ZNF239: variants seen among roughly 807,000 people sequenced by gnomAD.
ZNF239 encodes the protein zinc finger protein 239.
In ZNF239, 16 loss-of-function variants were observed where a neutral mutation model predicts 27.5. That is an observed-to-expected ratio of 0.58 (90% confidence interval 0.39 to 0.88). The LOEUF (loss-of-function observed/expected upper bound fraction) is 0.88. Among genes scored for constraint, ZNF239 ranks in the 40% least tolerant of loss-of-function variants. ZNF239 has a pLI of 0.00. For synonymous variants in ZNF239, 199 were observed against 192.6 expected (o/e 1.03, Z -0.27); for missense variants, 527 against 551.9 (o/e 0.95, Z 0.45).
intron 3 of ZNF239, chr10:43,564,372 G>A (rs1025479075): frequency 5.8e-6 from 4 of 693,982 alleles, no homozygotes; most frequent in South Asian, 6.5e-5. Context: ...CTTGAAAAAC[G>A]ATGGCAACAA....
At chr10:43,569,044 C>A (rs1229979217) in intron 2 of ZNF239, among the ~76,000 whole-genome samples, 1 of 152,148 alleles carries the variant, frequency 6.6e-6, no homozygotes, top group African/African-American at 2.4e-5. Flanking sequence ...CAGGCCCCAA[C>A]AGAACTCCTG....
intron 3 of ZNF239, among the ~76,000 whole-genome samples, chr10:43,562,751 G>A (rs7091995): frequency 0.48 from 73,103 of 151,976 alleles, 18,576 homozygotes; most frequent in South Asian, 0.61. Context: ...GTATCACTTT[G>A]TTTATAAATT....
intron 2 of ZNF239, 102 bp from the exon 3 acceptor site, chr10:43,568,123 G>A: frequency 1.0e-6 from 1 of 985,630 alleles, no homozygotes; most frequent in Non-Finnish European, 1.2e-6. Context: ...GAAAGGTATA[G>A]AAGAAGTTTG....
chr10:43,559,825 G>C (rs1837091425), intron 3 of ZNF239, among the ~76,000 whole-genome samples: 1 of 152,160 alleles, frequency 6.6e-6, no homozygotes. Flanking sequence ...ACTCCTAAAT[G>C]ATAAGGAGCA....
chr10:43,570,382 A>T, intron 2 of ZNF239: 2 of 985,396 alleles, frequency 2.0e-6, no homozygotes, highest in Non-Finnish European at 2.4e-6. Context: ...TTAGCAAGGC[A>T]TGACCCATGG....
chr10:43,563,984 T>C (rs186834141), intron 3 of ZNF239, among the ~76,000 whole-genome samples: 3 of 152,188 alleles, frequency 2.0e-5, no homozygotes, highest in Admixed American at 6.5e-5. Flanking sequence ...ATCTACTTTT[T>C]ACCAGGGCCT....
chr10:43,567,130 C>T (rs922398505), intron 3 of ZNF239, among the ~76,000 whole-genome samples: 3 of 150,906 alleles, frequency 2.0e-5, no homozygotes, highest in African/African-American at 4.9e-5. Context: ...ACAAACAAAA[C>T]AAAAAGACTC....
At chr10:43,570,218 A>G in intron 2 of ZNF239, 7 of 985,354 alleles carry the variant, frequency 7.1e-6, no homozygotes, top group Non-Finnish European at 8.4e-6. Flanking sequence ...AGATGAAGGT[A>G]AGGATGGGTG....
At chr10:43,568,270 T>C in intron 2 of ZNF239, 1 of 985,508 alleles carries the variant, frequency 1.0e-6, no homozygotes, top group Non-Finnish European at 1.2e-6. Context: ...CTACTGAATC[T>C]TTCTGTGTCA....
At chr10:43,564,908 A>C (rs989016624) in intron 3 of ZNF239, among the ~76,000 whole-genome samples, 6 of 152,174 alleles carry the variant, frequency 3.9e-5, no homozygotes, top group Non-Finnish European at 5.9e-5. Context: ...AAGTGGGACT[A>C]TAAGAAGGGA....
At chr10:43,559,885 A>G (rs1837097930) in intron 3 of ZNF239, among the ~76,000 whole-genome samples, 1 of 152,204 alleles carries the variant, frequency 6.6e-6, no homozygotes, top group South Asian at 2.1e-4. Flanking sequence ...GTACAGCTCA[A>G]ATTATGTATA....
chr10:43,561,983 G>C (rs1837291921), intron 3 of ZNF239, among the ~76,000 whole-genome samples: 2 of 152,036 alleles, frequency 1.3e-5, no homozygotes, highest in African/African-American at 4.8e-5. Context: ...AAATTAAAAA[G>C]AACTATAATC....
chr10:43,563,097 T>G (rs1837380692), intron 3 of ZNF239, among the ~76,000 whole-genome samples: 1 of 152,092 alleles, frequency 6.6e-6, no homozygotes, highest in African/African-American at 2.4e-5. Context: ...GGTGGATTAC[T>G]TGAGGTCAGG....
At chr10:43,574,158 T>C (rs1364795178) in intron 1 of ZNF239, among the ~76,000 whole-genome samples, 1 of 152,014 alleles carries the variant, frequency 6.6e-6, no homozygotes, top group East Asian at 1.9e-4. Context: ...GTCCGTCGCC[T>C]AACGTCCACC....
At position 43,558,013 on chromosome 10, in the gene ZNF239, G is replaced by A. The variant is rs372027642; in HGVS notation, c.67C>T (p.Pro23Ser). 1.2e-5 allele frequency: 20 copies of A among 1,613,992 alleles called. No homozygotes were observed. Among genetic ancestry groups the A allele is most frequent in the Non-Finnish European group, 1.6e-5 (19 of 1,180,026 alleles). ...TGACAAGGGGAAATATCTAGTTCAGGCTCCCCATCCACTTCCCCTCGATGA... is the reference window on the plus strand; with the variant it reads ...TGACAAGGGGAAATATCTAGTTCAGACTCCCCATCCACTTCCCCTCGATGA... The part of the protein sequence containing the change: ...VNHRGEVDGE[P>S]ELDISPCQQW... The change falls in exon 4 of 4, where the codon CCT (proline) becomes TCT (serine). Residue 23 changes from proline to serine, a missense_variant. Transcript: ENST00000374446.
At chr10:43,561,435 G>A (rs546788507) in intron 3 of ZNF239, among the ~76,000 whole-genome samples, 30 of 152,174 alleles carry the variant, frequency 2.0e-4, no homozygotes, top group South Asian at 6.2e-4. Context: ...GAATTATATT[G>A]ACACTGAACA....
At chr10:43,572,629 T>C (rs762656398) in intron 2 of ZNF239, among the ~76,000 whole-genome samples, 1 of 152,198 alleles carries the variant, frequency 6.6e-6, no homozygotes, top group Non-Finnish European at 1.5e-5. Context: ...CCTTCGGCTC[T>C]CTCAGAGTTA....
Position 43,556,611 on chromosome 10 carries a change from C to G in ZNF239, c.*92G>C. On this transcript the variant is annotated 3_prime_UTR_variant, in exon 4 of 4. Coordinates refer to ENST00000374446, the MANE Select transcript of ZNF239 (RefSeq NM_001099282.2). ...ATATCTAAATAACCCTTACATCTCT[C>G]TCCTTTGTAGAATATAAAGTAAGAG... 1 of 1,464,314 alleles carries G rather than the reference C, an allele frequency of 6.8e-7. No individual in the cohort carries two copies. The highest frequency in any genetic ancestry group is 9.1e-7 in the Non-Finnish European group (1 of 1,095,638). The allele number at this position is 1,464,314 out of a possible 1,614,324, so 90.7% of individuals were successfully genotyped here. A position where few individuals can be genotyped will look rare whatever the true frequency, so the allele number is the denominator to read the frequency against.
intron 3 of ZNF239, among the ~76,000 whole-genome samples, chr10:43,563,373 C>T (rs540310361): frequency 1.3e-5 from 2 of 152,170 alleles, no homozygotes; most frequent in African/African-American, 4.8e-5. Flanking sequence ...GGAGAAAATA[C>T]TGACATGAGA....
Sources: allele counts gnomAD v4.1 joint callset (sites outside exome capture counted in the v4.1 genomes callset), GRCh38; gene constraint gnomAD v4.1.1; transcripts MANE v1.5; gene names NCBI Gene and HGNC (gene_info 2026-07-23, HGNC 2026-07-21).